ENPP2: variants seen among roughly 807,000 people sequenced by gnomAD.
The protein encoded by ENPP2 is autotaxin.
A neutral mutation model predicts 120.2 loss-of-function variants in ENPP2; 51 were observed. The observed-to-expected ratio is 0.42, with a 90% CI of 0.34 to 0.54. ENPP2 has a LOEUF of 0.54. Among genes scored for constraint, ENPP2 ranks in the 20% least tolerant of loss-of-function variants. The pLI, the probability that ENPP2 is intolerant of heterozygous loss-of-function variation, is 0.04. For synonymous variants in ENPP2, 365 were observed against 366.4 expected, an observed-to-expected ratio of 1.00 and a Z score of 0.04; for missense variants, 920 against 1,066.5, an observed-to-expected ratio of 0.86 and a Z score of 1.91.
Position 119,564,954 on chromosome 8 carries a change from C to T in ENPP2, c.2133G>A (p.Arg711=), listed in dbSNP as rs1362673255. The change falls in exon 23 of 25, where the codon CGG becomes CGA. Residue 711 remains arginine, a splice_region_variant and synonymous_variant. Coordinates refer to ENST00000075322, the MANE Select transcript of ENPP2 (RefSeq NM_001040092.3). ...ATACCCTTTGGAAATAATTCCAGAC[C>T]CCTGTGCAAAGACAAAAATCCAAAA... ...NMVPMYPAFK[R]VWNYFQRVLV... is the part of the protein sequence containing the mutation. 6.2e-7 allele frequency: 1 copy of T among 1,606,660 alleles called. No homozygotes were observed. The highest frequency in any genetic ancestry group is 1.3e-5 in the African/African-American group (1 of 74,338).
At chr8:119,629,982 A>T (rs1178529394) in intron 2 of ENPP2, among the ~76,000 whole-genome samples, 1 of 152,210 alleles carries the variant, frequency 6.6e-6, no homozygotes, top group African/African-American at 2.4e-5. Context: ...AGCTATGCTG[A>T]TAGCTGAGAT....
chr8:119,648,970 C>T, intron 1 of ENPP2, among the ~76,000 whole-genome samples: 1 of 152,022 alleles, frequency 6.6e-6, no homozygotes, highest in South Asian at 2.1e-4. Context: ...TATAGAAAAT[C>T]CTAATGAATC....
rs1815726644 is a variant in ENPP2, at chr8:119,619,444, A to G, written c.419-140T>C. The G allele has an allele frequency of 4.1e-5, 25 of 613,384 alleles. No homozygotes were observed. In the South Asian group the frequency reaches 4.6e-4, roughly 11 times the overall value. 38.0% of individuals were successfully genotyped at this position (613,384 alleles called of 1,614,324 possible). On this transcript the variant is annotated intron_variant, in intron 4 of 24. Transcript: ENST00000075322. The stretch of plus-strand genomic sequence containing the variant: ...AAAAAAAAAAAAAATTCTGAAAAAA[A>G]AATCTAGTGTCTGGTTTGGCTTATA...
At chr8:119,597,604 C>T (rs939161206) in intron 11 of ENPP2, among the ~76,000 whole-genome samples, 1 of 152,316 alleles carries the variant, frequency 6.6e-6, no homozygotes, top group East Asian at 1.9e-4. Flanking sequence ...TTTCAGGATA[C>T]TTTGCCATCT....
At chr8:119,612,639 C>G (rs530538038) in intron 8 of ENPP2, among the ~76,000 whole-genome samples, 45 of 152,258 alleles carry the variant, frequency 3.0e-4, no homozygotes, top group African/African-American at 1.1e-3. Context: ...CCTGTAATAC[C>G]AAGACTTTGA....
rs551465729 is a variant in ENPP2 at position 119,595,777 on chromosome 8, C to T, written c.973-1917G>A. On this transcript the variant is annotated intron_variant, in intron 11 of 24. Transcript: ENST00000075322. ...AAACTTGCTCAGCCGATTTTCCAAC[C>T]AAGGCACTGAAGGCAACCTTCAACT... 3.0e-5 allele frequency: 45 copies of T among 1,501,970 alleles called. No homozygotes were observed. In the East Asian group the frequency reaches 9.5e-4, roughly 32 times the overall value. 93.0% of individuals were successfully genotyped at this position (1,501,970 alleles called of 1,614,324 possible). A position where few individuals can be genotyped will look rare whatever the true frequency, so the allele number is the denominator to read the frequency against.
chr8:119,662,819 C>T (rs566374233), intron 1 of ENPP2, among the ~76,000 whole-genome samples: 18 of 152,064 alleles, frequency 1.2e-4, no homozygotes, highest in South Asian at 2.1e-4. Flanking sequence ...TCATTGAAAA[C>T]GGGTAGTATA....
rs769851357 is a variant in ENPP2, at chr8:119,607,974, A to G, written c.781T>C (p.Trp261Arg). The part of the protein sequence containing the change: ...NHRWWGGQPL[W>R]ITATKQGVKA... Reference sequence around the variant, plus strand: ...ACCCCTTGCTTGGTGGCTGTAATCCATAGCTAATGAGGAAAATATAAGCGG... The same window carrying G: ...ACCCCTTGCTTGGTGGCTGTAATCCGTAGCTAATGAGGAAAATATAAGCGG... The change falls in exon 9 of 25, where the codon TGG becomes CGG. Residue 261 changes from tryptophan (W) to arginine (R), a missense_variant. By Grantham distance (101) the Trp-to-Arg change is moderately radical. Transcript: ENST00000075322. 10 of 1,607,808 alleles carry G rather than the reference A, an allele frequency of 6.2e-6. No homozygotes were observed. Among genetic ancestry groups the G allele is most frequent in the Non-Finnish European group, 1.7e-6 (2 of 1,176,598 alleles).
intron 3 of ENPP2, among the ~76,000 whole-genome samples, chr8:119,625,694 G>A (rs1816223058): frequency 6.6e-6 from 1 of 152,178 alleles, no homozygotes; most frequent in African/African-American, 2.4e-5. Context: ...GTATGGTGTT[G>A]TCCAGAAGCA....
chr8:119,589,593 G>C (rs2130418791), intron 13 of ENPP2, among the ~76,000 whole-genome samples: 1 of 152,274 alleles, frequency 6.6e-6, no homozygotes, highest in Non-Finnish European at 1.5e-5. Flanking sequence ...CACAGGGACA[G>C]GAAAGGTCAT....
chr8:119,602,679 A>G (rs190235021), intron 9 of ENPP2, among the ~76,000 whole-genome samples: 201 of 152,090 alleles, frequency 1.3e-3, no homozygotes, highest in African/African-American at 4.7e-3. Context: ...GCTGAGTGAT[A>G]TCTTTAGTCA....
intron 11 of ENPP2, among the ~76,000 whole-genome samples, chr8:119,597,755 C>T (rs1814006887): frequency 6.6e-6 from 1 of 152,160 alleles, no homozygotes; most frequent in African/African-American, 2.4e-5. Flanking sequence ...TGAACATTCA[C>T]CATTACACTC....
At chr8:119,667,219 T>G (rs1046002102) in intron 1 of ENPP2, among the ~76,000 whole-genome samples, 2 of 152,142 alleles carry the variant, frequency 1.3e-5, no homozygotes, top group African/African-American at 4.8e-5. Flanking sequence ...CACAGAATCT[T>G]GAAATCCTAG....
intron 19 of ENPP2, chr8:119,571,392 C>T (rs1201178100): frequency 2.0e-5 from 3 of 152,086 alleles, no homozygotes; most frequent in African/African-American, 7.2e-5. Context: ...CTTAAAGGAA[C>T]ATGTATAGAT....
At chr8:119,637,783 AC>A (rs1350226756) in intron 2 of ENPP2, among the ~76,000 whole-genome samples, 6 of 152,186 alleles carry the variant, frequency 3.9e-5, no homozygotes, top group Non-Finnish European at 8.8e-5. Flanking sequence ...TGGGAACACT[AC>A]TTATGGTGTA....
chr8:119,654,174 T>C (rs1434068501), intron 1 of ENPP2, among the ~76,000 whole-genome samples: 1 of 141,736 alleles, frequency 7.1e-6, no homozygotes, highest in Non-Finnish European at 1.5e-5. Flanking sequence ...ATATTAGGTA[T>C]TCTATATATA....
chr8:119,660,738 A>C (rs74522140), intron 1 of ENPP2, among the ~76,000 whole-genome samples: 1,899 of 152,308 alleles, frequency 0.012, 45 homozygotes, highest in African/African-American at 0.043. Flanking sequence ...AAAGGACCAG[A>C]AAAGCATTTT....
chr8:119,583,282 C>T (rs924689079), intron 17 of ENPP2, among the ~76,000 whole-genome samples: 1 of 152,176 alleles, frequency 6.6e-6, no homozygotes, highest in Non-Finnish European at 1.5e-5. Context: ...AAAAGTTGTC[C>T]TCATTCAGCA....
intron 1 of ENPP2, among the ~76,000 whole-genome samples, chr8:119,652,136 G>A (rs1817644042): frequency 6.6e-6 from 1 of 152,040 alleles, no homozygotes; most frequent in South Asian, 2.1e-4. Flanking sequence ...TTCTGTGTCT[G>A]GTAAGGACCC....
Sources: allele counts gnomAD v4.1 joint callset (sites outside exome capture counted in the v4.1 genomes callset), GRCh38; gene constraint gnomAD v4.1.1; transcripts MANE v1.5; gene names NCBI Gene and HGNC (gene_info 2026-07-23, HGNC 2026-07-21).